CAMTA1: variants seen among roughly 807,000 people sequenced by gnomAD.
The protein encoded by CAMTA1 is calmodulin-binding transcription activator 1.
CAMTA1 carries 27 observed loss-of-function variants against 170.9 expected under a neutral mutation model. The observed-to-expected ratio is 0.16, with a 90% confidence interval of 0.12 to 0.22. CAMTA1 has a LOEUF of 0.22. Among genes scored for constraint, CAMTA1 ranks in the 10% least tolerant of loss-of-function variants. The pLI is 1.00. For missense variants in CAMTA1, 1,619 were observed against 2,217.2 expected (o/e 0.73, Z 5.42); for synonymous variants, 833 against 891.5 (o/e 0.93, Z 1.17).
rs553107790 is a variant in CAMTA1 at position 7,025,273 on chromosome 1, C to T, written c.235-66031C>T. On this transcript the variant is annotated intron_variant, in intron 3 of 22. Coordinates refer to ENST00000303635, the MANE Select transcript of CAMTA1 (RefSeq NM_015215.4). ...GCAATGATTTTTCCCCTGTGGGAGCCGAGGCTGCAGGACCTGAGAGCTGGC... is the reference window on the plus strand; with the variant it reads ...GCAATGATTTTTCCCCTGTGGGAGCTGAGGCTGCAGGACCTGAGAGCTGGC... 7.2e-5 allele frequency among the ~76,000 whole-genome samples: 11 copies of T among 152,292 alleles called. No homozygotes were observed. In the East Asian group the frequency reaches 1.5e-3, roughly 21 times the overall value.
chr1:7,513,056 C>T (rs1274500122), intron 6 of CAMTA1, among the ~76,000 whole-genome samples: 1 of 152,164 alleles, frequency 6.6e-6, no homozygotes, highest in Non-Finnish European at 1.5e-5. Context: ...GCACTGACTC[C>T]CATCCCAACA....
intron 3 of CAMTA1, among the ~76,000 whole-genome samples, chr1:7,060,663 C>T (rs1045573202): frequency 2.0e-5 from 3 of 152,184 alleles, no homozygotes; most frequent in Non-Finnish European, 2.9e-5. Flanking sequence ...GTGCAGGCGC[C>T]CCTGAGGTGC....
At chr1:7,103,733 C>T (rs899342354) in intron 4 of CAMTA1, among the ~76,000 whole-genome samples, 2 of 151,294 alleles carry the variant, frequency 1.3e-5, no homozygotes, top group Non-Finnish European at 2.9e-5. Flanking sequence ...GTACACACCA[C>T]ACATGTACAC....
intron 4 of CAMTA1, among the ~76,000 whole-genome samples, chr1:7,208,856 G>T (rs1272039365): frequency 6.6e-6 from 1 of 152,124 alleles, no homozygotes; most frequent in African/African-American, 2.4e-5. Flanking sequence ...AAATCCTTGG[G>T]ACCTCCTACT....
chr1:7,130,032 G>T (rs1645156358), intron 4 of CAMTA1, among the ~76,000 whole-genome samples: 1 of 151,806 alleles, frequency 6.6e-6, no homozygotes, highest in Non-Finnish European at 1.5e-5. Context: ...CACCTCCCAG[G>T]TTCAAGCCAT....
chr1:7,008,612 T>C (rs2275909), intron 3 of CAMTA1: 62,924 of 151,756 alleles, frequency 0.41, 14,446 homozygotes, highest in African/African-American at 0.63. Flanking sequence ...CTGTCTACAC[T>C]AGATGAATAG....
At chr1:7,610,616 G>T (rs915983539) in intron 6 of CAMTA1, among the ~76,000 whole-genome samples, 3 of 152,208 alleles carry the variant, frequency 2.0e-5, no homozygotes, top group Non-Finnish European at 2.9e-5. Flanking sequence ...GTCAGCAACA[G>T]TTGCAGGGGG....
chr1:6,890,174 A>G (rs1484688142), intron 3 of CAMTA1, among the ~76,000 whole-genome samples: 2 of 151,970 alleles, frequency 1.3e-5, no homozygotes, highest in Non-Finnish European at 2.9e-5. Context: ...GTAATTTCAT[A>G]TTTTTTCATG....
At chr1:7,483,754 C>T (rs1209324446) in intron 6 of CAMTA1, among the ~76,000 whole-genome samples, 3 of 152,112 alleles carry the variant, frequency 2.0e-5, no homozygotes, top group African/African-American at 4.8e-5. Context: ...ACCTCACCTT[C>T]CTGCAGCCTC....
intron 3 of CAMTA1, among the ~76,000 whole-genome samples, chr1:7,025,222 C>T (rs573510636): frequency 1.1e-4 from 16 of 152,334 alleles, no homozygotes; most frequent in African/African-American, 3.6e-4. Context: ...GAAGCCTGAC[C>T]TATTGCCGCG....
intron 6 of CAMTA1, among the ~76,000 whole-genome samples, chr1:7,499,901 A>C (rs946755732): frequency 2.1e-5 from 3 of 144,558 alleles, no homozygotes; most frequent in Non-Finnish European, 1.5e-5. Flanking sequence ...ATGCTTATGT[A>C]TATGAGTGTG....
At chr1:7,306,423 T>G (rs1330787337) in intron 5 of CAMTA1, among the ~76,000 whole-genome samples, 1 of 152,042 alleles carries the variant, frequency 6.6e-6, no homozygotes, top group African/African-American at 2.4e-5. Context: ...TTTGCACCTT[T>G]GTCAAAAATC....
At chr1:6,963,461 C>T (rs901816633) in intron 3 of CAMTA1, among the ~76,000 whole-genome samples, 7 of 151,926 alleles carry the variant, frequency 4.6e-5, no homozygotes, top group African/African-American at 1.7e-4. Flanking sequence ...ATTTATAGGC[C>T]GTCTGAGCCG....
intron 6 of CAMTA1, among the ~76,000 whole-genome samples, chr1:7,516,483 C>G (rs1314520241): frequency 6.6e-6 from 1 of 152,160 alleles, no homozygotes; most frequent in East Asian, 1.9e-4. Context: ...TGGGAGAAGC[C>G]TCTTCAGAGC....
Position 7,663,930 on chromosome 1 carries a change from C to T in CAMTA1, c.1383C>T (p.Ser461=), listed in dbSNP as rs750180825. 1.1e-5 allele frequency: 17 copies of T among 1,613,744 alleles called. No homozygotes were observed. The highest frequency in any genetic ancestry group is 5.3e-5 in the African/African-American group (4 of 74,916). Residue 461 remains serine, a synonymous_variant, in exon 9 of 23, where the codon TCC becomes TCT. Transcript: ENST00000303635. ...TGTCCATGCTGCCCACCAACGTGTC[C>T]GAAGAGCTGGTCCTCTCCACCACCC... The part of the protein sequence containing the change: ...ESLSMLPTNV[S]EELVLSTTLD...
intron 5 of CAMTA1, among the ~76,000 whole-genome samples, chr1:7,381,124 G>A (rs1051390271): frequency 4.0e-5 from 6 of 151,574 alleles, no homozygotes; most frequent in African/African-American, 7.3e-5. Flanking sequence ...TAAATAAGAC[G>A]GTTTGATTTT....
chr1:7,686,717 G>T (rs1189577055), intron 11 of CAMTA1, among the ~76,000 whole-genome samples: 2 of 152,190 alleles, frequency 1.3e-5, no homozygotes, highest in Admixed American at 6.5e-5. Context: ...GACTACTCCA[G>T]GGCTCTTGCG....
At chr1:7,373,545 C>T (rs1221700020) in intron 5 of CAMTA1, among the ~76,000 whole-genome samples, 1 of 152,200 alleles carries the variant, frequency 6.6e-6, no homozygotes, top group African/African-American at 2.4e-5. Context: ...GAAGGTTGCA[C>T]TCAGACTCAC....
intron 6 of CAMTA1, among the ~76,000 whole-genome samples, chr1:7,606,596 C>T (rs1055034985): frequency 1.3e-5 from 2 of 152,186 alleles, no homozygotes; most frequent in South Asian, 2.1e-4. Context: ...GCCAGGGACT[C>T]GTTTGAAATG....
Sources: allele counts gnomAD v4.1 joint callset (sites outside exome capture counted in the v4.1 genomes callset), GRCh38; gene constraint gnomAD v4.1.1; transcripts MANE v1.5; gene names NCBI Gene and HGNC (gene_info 2026-07-23, HGNC 2026-07-21).